The following CADM2 variants were observed in gnomAD, a reference collection of about 807,000 sequenced individuals.
The protein encoded by CADM2 is cell adhesion molecule 2, also known as immunoglobulin superfamily member 4D.
In CADM2, 12 loss-of-function variants were observed where a neutral mutation model predicts 49.8. The observed-to-expected ratio is 0.24, with a 90% CI of 0.15 to 0.39. The LOEUF is 0.39. CADM2 is among the 10% of genes least tolerant of loss of function. The pLI is 1.00. For missense variants in CADM2, 378 were observed against 492.3 expected (o/e 0.77, Z 2.20); for synonymous variants, 214 against 175.4 (o/e 1.22, Z -1.74).
At chr3:85,844,439 CT>C (rs2074787150) in intron 3 of CADM2, among the ~76,000 whole-genome samples, 1 of 151,992 alleles carries the variant, frequency 6.6e-6, no homozygotes, top group African/African-American at 2.4e-5. Flanking sequence ...GCTGCTGTAG[CT>C]TTAAGGGGAT....
At position 86,066,705 on chromosome 3, in the gene CADM2, A is replaced by C. The variant is rs779364419; in HGVS notation, c.1137A>C (p.Ala379=). The C allele has an allele frequency of 9.9e-6, 16 of 1,614,066 alleles. No homozygotes were observed. Among genetic ancestry groups the C allele is most frequent in the Middle Eastern group, 1.6e-4 (1 of 6,062 alleles). ...LTNEAKGAED[A]PDADTAIINA... ...ATGAAGCTAAAGGAGCTGAAGATGC[A>C]CCAGATGCTGATACAGCCATTATCA... The change falls in exon 10 of 10, where the codon GCA becomes GCC. Residue 379 remains alanine, a synonymous_variant. Transcript: ENST00000383699.
chr3:85,866,489 C>T (rs2075726288), intron 3 of CADM2, among the ~76,000 whole-genome samples: 1 of 151,996 alleles, frequency 6.6e-6, no homozygotes, highest in African/African-American at 2.4e-5. Flanking sequence ...GAATTTTATG[C>T]CATATTATTA....
intron 1 of CADM2, among the ~76,000 whole-genome samples, chr3:85,044,674 T>C (rs1003937970): frequency 3.3e-5 from 5 of 152,146 alleles, no homozygotes; most frequent in African/African-American, 1.2e-4. Context: ...ACAGAGATGG[T>C]TCCAGGAAAG....
intron 1 of CADM2, among the ~76,000 whole-genome samples, chr3:85,318,491 G>A (rs1576340963): frequency 6.6e-6 from 1 of 151,930 alleles, no homozygotes; most frequent in South Asian, 2.1e-4. Flanking sequence ...TAGTAAAATT[G>A]CCAAAAACCA....
chr3:85,329,260 G>C (rs1461515293), intron 1 of CADM2, among the ~76,000 whole-genome samples: 1 of 152,100 alleles, frequency 6.6e-6, no homozygotes, highest in Non-Finnish European at 1.5e-5. Context: ...ACACAGGACG[G>C]GCATGGTGGC....
intron 1 of CADM2, among the ~76,000 whole-genome samples, chr3:85,545,705 C>T (rs1473539319): frequency 1.3e-5 from 2 of 152,106 alleles, no homozygotes; most frequent in Admixed American, 6.5e-5. Context: ...AACCCTGCTG[C>T]ACTCTGAAAC....
intron 1 of CADM2, among the ~76,000 whole-genome samples, chr3:85,000,761 G>A (rs1006954910): frequency 1.3e-5 from 2 of 149,768 alleles, no homozygotes; most frequent in East Asian, 1.9e-4. Flanking sequence ...GTATGTGTTC[G>A]TGTGCATGTG....
At chr3:85,754,555 T>A (rs2069013622) in intron 2 of CADM2, among the ~76,000 whole-genome samples, 1 of 152,236 alleles carries the variant, frequency 6.6e-6, no homozygotes, top group African/African-American at 2.4e-5. Flanking sequence ...TCGTATGCTT[T>A]ACCTACAGAT....
intron 1 of CADM2, among the ~76,000 whole-genome samples, chr3:85,425,810 G>A (rs2036375671): frequency 6.6e-6 from 1 of 152,200 alleles, no homozygotes; most frequent in Non-Finnish European, 1.5e-5. Context: ...CATTGTGGAG[G>A]CTGTGAAGGC....
chr3:85,523,913 CAACAA>C (rs1576715172), intron 1 of CADM2, among the ~76,000 whole-genome samples: 1 of 151,666 alleles, frequency 6.6e-6, no homozygotes, highest in African/African-American at 2.4e-5. Flanking sequence ...CACTGTAGCC[CAACAA>C]AAAAATAAAT....
chr3:85,213,502 A>T (rs1439244213), intron 1 of CADM2, among the ~76,000 whole-genome samples: 1 of 151,996 alleles, frequency 6.6e-6, no homozygotes, highest in African/African-American at 2.4e-5. Flanking sequence ...TCCTTTCTTC[A>T]TCCTTGACCT....
chr3:85,535,248 A>G (rs1171669898), intron 1 of CADM2, among the ~76,000 whole-genome samples: 3 of 152,174 alleles, frequency 2.0e-5, no homozygotes, highest in Non-Finnish European at 4.4e-5. Context: ...AACAACAAAC[A>G]TTACAAAGAA....
intron 1 of CADM2, among the ~76,000 whole-genome samples, chr3:85,085,104 T>C (rs1236992090): frequency 6.6e-6 from 1 of 152,164 alleles, no homozygotes; most frequent in African/African-American, 2.4e-5. Flanking sequence ...TGTTGGCAAT[T>C]TCCAGGTATG....
In CADM2 at chr3:85,230,663, T is replaced by A. The variant is rs553663792; in HGVS notation, c.61+270995T>A. Among the ~76,000 whole-genome samples, 10 of 152,318 alleles carry A rather than the reference T, an allele frequency of 6.6e-5. No individual in the cohort carries two copies. In the South Asian group the frequency reaches 1.2e-3, roughly 19 times the overall value. Reference sequence around the variant, plus strand: ...TCTACTGCTGTTCTTTATTTTTACATCTCATTAACAACAGTATTAACTCTC... The same window carrying A: ...TCTACTGCTGTTCTTTATTTTTACAACTCATTAACAACAGTATTAACTCTC... On this transcript the variant is annotated intron_variant, in intron 1 of 9. Transcript: ENST00000383699.
intron 1 of CADM2, among the ~76,000 whole-genome samples, chr3:85,265,138 A>G (rs978942005): frequency 1.4e-4 from 21 of 152,050 alleles, no homozygotes; most frequent in African/African-American, 4.8e-4. Context: ...TAGCAAGAAA[A>G]TACAGAATCC....
At chr3:85,244,806 A>C (rs2042611347) in intron 1 of CADM2, among the ~76,000 whole-genome samples, 1 of 152,166 alleles carries the variant, frequency 6.6e-6, no homozygotes, top group Non-Finnish European at 1.5e-5. Context: ...CAAGGTATTA[A>C]TTTGCTATAA....
At chr3:85,749,108 C>A (rs2068752229) in intron 2 of CADM2, among the ~76,000 whole-genome samples, 1 of 151,838 alleles carries the variant, frequency 6.6e-6, no homozygotes, top group South Asian at 2.1e-4. Flanking sequence ...TTGCACAATA[C>A]TCCTTATCAT....
chr3:85,641,708 C>T (rs866591590), intron 1 of CADM2, among the ~76,000 whole-genome samples: 2 of 151,638 alleles, frequency 1.3e-5, no homozygotes, highest in African/African-American at 2.4e-5. Flanking sequence ...CGGCAGATCA[C>T]GAGGTCAGGA....
intron 5 of CADM2, among the ~76,000 whole-genome samples, chr3:85,910,594 C>T (rs1264695321): frequency 6.6e-6 from 1 of 151,952 alleles, no homozygotes; most frequent in Admixed American, 6.6e-5. Flanking sequence ...CGTTTATAAA[C>T]AATTCTGCGT....
Sources: gnomAD v4.1 joint callset for allele counts (sites outside exome capture counted in the v4.1 genomes callset) on GRCh38, gnomAD v4.1.1 for gene constraint, MANE v1.5 for transcripts, NCBI Gene and HGNC (gene_info 2026-07-23, HGNC 2026-07-21) for gene names.